The following CFH variants were observed in gnomAD, a reference collection of about 807,000 sequenced individuals.
The protein encoded by CFH is complement factor H.
A neutral mutation model predicts 147.3 loss-of-function variants in CFH; 53 were observed. The observed-to-expected ratio is 0.36, with a 90% CI of 0.29 to 0.45. The LOEUF (loss-of-function observed/expected upper bound fraction) is 0.45, where lower values mean the gene tolerates loss of function less well. Among genes scored for constraint, CFH ranks in the 20% least tolerant of loss-of-function variants. The pLI, the probability that CFH is intolerant of heterozygous loss-of-function variation, is 1.00. For synonymous variants in CFH, 536 were observed against 489.4 expected, an observed-to-expected ratio of 1.10 and a Z score of -1.26; for missense variants, 1,380 against 1,498.0, an observed-to-expected ratio of 0.92 and a Z score of 1.30.
chr1:196,737,441 G>T (rs1407666445), intron 16 of CFH, 34 bp from the exon 17 acceptor site: 2 of 1,450,322 alleles, frequency 1.4e-6, no homozygotes. Context: ...TATTTTATTT[G>T]TTTTTAACCC....
In CFH at chr1:196,726,450, A is replaced by T; in HGVS notation, c.1874-20A>T. The T allele has an allele frequency of 6.5e-7, 1 of 1,548,412 alleles. No homozygotes were observed. Among genetic ancestry groups the T allele is most frequent in the Non-Finnish European group, 8.9e-7 (1 of 1,122,264 alleles). ...AAAACAGACAATTTAACCATTATTT[A>T]CATAGTATTTCTACTATAGAGCAAG... is the stretch of plus-strand genomic sequence containing the variant. On this transcript the variant is annotated intron_variant, in intron 12 of 21. Transcript: ENST00000367429.
At chr1:196,680,939 A>C (rs1368409470) in intron 6 of CFH, among the ~76,000 whole-genome samples, 2 of 151,902 alleles carry the variant, frequency 1.3e-5, no homozygotes, top group Non-Finnish European at 2.9e-5. Flanking sequence ...AATATTTTAG[A>C]AAGAAATTAA....
chr1:196,693,908 T>C (rs1573033435), intron 9 of CFH, among the ~76,000 whole-genome samples: 2 of 151,970 alleles, frequency 1.3e-5, no homozygotes, highest in Non-Finnish European at 2.9e-5. Flanking sequence ...TAAACACAAA[T>C]TTATTCCTCA....
chr1:196,683,883 G>T (rs1044280785), intron 6 of CFH, among the ~76,000 whole-genome samples: 44 of 151,802 alleles, frequency 2.9e-4, no homozygotes, highest in African/African-American at 9.6e-4. Flanking sequence ...GGAGACTATG[G>T]ATCATTTACC....
chr1:196,706,669 A>C (rs35788722), intron 9 of CFH, among the ~76,000 whole-genome samples: 3,230 of 152,304 alleles, frequency 0.021, 58 homozygotes, highest in Non-Finnish European at 0.034. Flanking sequence ...ATGATACCAC[A>C]CAGTATGGCA....
At chr1:196,658,341 G>C (rs910402043) in intron 1 of CFH, among the ~76,000 whole-genome samples, 1 of 150,808 alleles carries the variant, frequency 6.6e-6, no homozygotes, top group Non-Finnish European at 1.5e-5. Flanking sequence ...TCGACCTCCT[G>C]GGCTCAAGCA....
At chr1:196,664,701 A>C (rs1445524369) in intron 1 of CFH, among the ~76,000 whole-genome samples, 1 of 152,186 alleles carries the variant, frequency 6.6e-6, no homozygotes, top group Admixed American at 6.5e-5. Context: ...TTTTATGCAC[A>C]TAATTAAATA....
At chr1:196,693,702 G>C (rs1462471625) in intron 9 of CFH, among the ~76,000 whole-genome samples, 1 of 152,088 alleles carries the variant, frequency 6.6e-6, no homozygotes, top group Non-Finnish European at 1.5e-5. Context: ...AAGTATTCAG[G>C]CTCTGGGGAG....
intron 6 of CFH, 59 bp downstream of exon 6, chr1:196,679,852 T>G: frequency 7.1e-7 from 1 of 1,406,080 alleles, no homozygotes; most frequent in Non-Finnish European, 9.9e-7. Context: ...TAATTAATTC[T>G]TTTAATAAAT....
At chr1:196,720,927 G>A (rs1018611859) in intron 11 of CFH, among the ~76,000 whole-genome samples, 1 of 151,900 alleles carries the variant, frequency 6.6e-6, no homozygotes, top group Non-Finnish European at 1.5e-5. Flanking sequence ...CACCAACAGC[G>A]TATAAGCATT....
intron 20 of CFH, among the ~76,000 whole-genome samples, chr1:196,744,136 C>G (rs2020130): frequency 1.1e-3 from 173 of 152,090 alleles, no homozygotes; most frequent in African/African-American, 4.0e-3. Flanking sequence ...GAAATTGTAT[C>G]TTACTCACCT....
intron 7 of CFH, 138 bp from the exon 8 acceptor site, chr1:196,689,282 G>A (rs966372132): frequency 2.4e-5 from 18 of 762,738 alleles, no homozygotes; most frequent in African/African-American, 5.3e-5. Context: ...TCTATCATTT[G>A]TTTTGACCTA....
chr1:196,674,059 C>A, intron 3 of CFH, 97 bp downstream of exon 3: 1 of 871,626 alleles, frequency 1.1e-6, no homozygotes, highest in Non-Finnish European at 1.8e-6. Context: ...TTTCTATGAG[C>A]ATTTAAAAAA....
intron 9 of CFH, among the ~76,000 whole-genome samples, chr1:196,706,684 T>C (rs931325656): frequency 6.6e-6 from 1 of 152,154 alleles, no homozygotes; most frequent in South Asian, 2.1e-4. Flanking sequence ...ATGGCAGGCA[T>C]GCCACCCTTC....
intron 1 of CFH, among the ~76,000 whole-genome samples, chr1:196,665,380 A>G (rs5016801): frequency 0.19 from 29,005 of 150,516 alleles, 3,591 homozygotes; most frequent in East Asian, 0.34. Context: ...AATAAATATA[A>G]TTATAGATAG....
rs1344906188 is a variant in CFH at position 196,728,502 on chromosome 1, A to T, written c.2393A>T (p.Asp798Val). The T allele has an allele frequency of 1.2e-6, 2 of 1,612,790 alleles. No homozygotes were observed. The highest frequency in any genetic ancestry group is 2.2e-5 in the East Asian group (1 of 44,748). Residue 798 changes from aspartate to valine, a missense_variant, in exon 15 of 22, where the codon GAT becomes GTT. By Grantham distance (152) the Asp-to-Val change is radical. Transcript: ENST00000367429. ...ACAGTCTGCATAAATGGAAGATGGG[A>T]TCCAGAAGTGAACTGCTCAAGTAAG... is the stretch of plus-strand genomic sequence containing the variant. ...IHTVCINGRW[D>V]PEVNCSMAQI...
At chr1:196,739,299 G>C (rs1200114983) in intron 17 of CFH, among the ~76,000 whole-genome samples, 2 of 152,166 alleles carry the variant, frequency 1.3e-5, no homozygotes, top group Non-Finnish European at 2.9e-5. Context: ...TCTGCAGCAG[G>C]CTTGAATTTC....
At chr1:196,721,950 G>T (rs572654636) in intron 11 of CFH, among the ~76,000 whole-genome samples, 2 of 151,642 alleles carry the variant, frequency 1.3e-5, no homozygotes, top group East Asian at 1.9e-4. Context: ...AAGTTAGGTG[G>T]GTTTCTTTTG....
intron 3 of CFH, among the ~76,000 whole-genome samples, chr1:196,675,277 G>A (rs890289574): frequency 1.3e-5 from 2 of 152,120 alleles, no homozygotes; most frequent in East Asian, 1.9e-4. Context: ...GGGCAGGCTT[G>A]ATGGGTTACT....
Sources: gnomAD v4.1 joint callset for allele counts (sites outside exome capture counted in the v4.1 genomes callset) on GRCh38, gnomAD v4.1.1 for gene constraint, MANE v1.5 for transcripts, NCBI Gene and HGNC (gene_info 2026-07-23, HGNC 2026-07-21) for gene names.